The following ABLIM2 variants were observed in gnomAD, a reference collection of about 807,000 sequenced individuals.
The protein encoded by ABLIM2 is actin-binding LIM protein 2.
In ABLIM2, 53 loss-of-function variants were observed where a neutral mutation model predicts 97.7. The observed-to-expected ratio is 0.54, with a 90% CI of 0.44 to 0.68. ABLIM2 has a LOEUF of 0.68. Ranked by LOEUF, ABLIM2 falls within the 30% of genes least tolerant of loss-of-function variation. ABLIM2 has a pLI of 0.00. For missense variants in ABLIM2, 835 were observed against 867.2 expected, an observed-to-expected ratio of 0.96 and a Z score of 0.47; for synonymous variants, 361 against 345.8, an observed-to-expected ratio of 1.04 and a Z score of -0.49.
chr4:8,082,327 C>T lies in ABLIM2; in HGVS notation c.455-1525G>A, dbSNP rs1185322990. ...CCTGCGGGAGCCCCCATTTCCTCAT[C>T]GTGGGGTGGGGTGATCACCTCCTCA... On this transcript the variant is annotated intron_variant, in intron 4 of 20. Coordinates refer to ENST00000447017, the MANE Select transcript of ABLIM2 (RefSeq NM_001130083.2). This position sits in a 1 kb window ranked among gnomAD's most constrained non-coding sequence, Gnocchi z 5.6. Among the ~76,000 whole-genome samples, 2 of 152,210 alleles carry T rather than the reference C, an allele frequency of 1.3e-5. No individual in the cohort carries two copies. Among genetic ancestry groups the T allele is most frequent in the South Asian group, 2.1e-4 (1 of 4,832 alleles).
At position 8,015,293 on chromosome 4, in the gene ABLIM2, T is replaced by C. The variant is rs1012949942; in HGVS notation, c.1423+4325A>G. Among the ~76,000 whole-genome samples, 1 of 152,102 alleles carries C rather than the reference T, an allele frequency of 6.6e-6. No individual in the cohort carries two copies. The highest frequency in any genetic ancestry group is 1.5e-5 in the Non-Finnish European group (1 of 68,024). ...GAAGGAGAGGTTAGCGTGTCTTTTG[T>C]ATCACACAGACAGTTCCTTCAGAGC... On this transcript the variant is annotated intron_variant, in intron 14 of 20. Transcript: ENST00000447017. This position sits in a 1 kb window ranked among gnomAD's most constrained non-coding sequence, Gnocchi z 4.6.
intron 3 of ABLIM2, among the ~76,000 whole-genome samples, chr4:8,089,711 G>C (rs1826014374): frequency 7.7e-6 from 1 of 129,036 alleles, no homozygotes; most frequent in African/African-American, 3.0e-5. Flanking sequence ...TCCAGGCTGG[G>C]CCAAAGAGTG....
At chr4:7,976,968 T>C (rs923057708) in intron 20 of ABLIM2, among the ~76,000 whole-genome samples, 2 of 151,786 alleles carry the variant, frequency 1.3e-5, no homozygotes, top group African/African-American at 4.8e-5. Context: ...GTCACGTGTA[T>C]ACACACACAC....
chr4:8,000,705 C>G (rs780271170), intron 16 of ABLIM2, among the ~76,000 whole-genome samples: 1 of 152,106 alleles, frequency 6.6e-6, no homozygotes, highest in African/African-American at 2.4e-5. Flanking sequence ...AGGGAGCTGT[C>G]CCCGGAGGCT....
intron 14 of ABLIM2, among the ~76,000 whole-genome samples, chr4:8,011,054 C>T (rs1764626205): frequency 1.3e-5 from 2 of 152,244 alleles, no homozygotes; most frequent in African/African-American, 2.4e-5. Context: ...GAATAATCTG[C>T]ACGTGCATGG....
rs762444980 is a variant in ABLIM2, at chr4:7,998,617, A to G, written c.1619-5690T>C. ...CGGGGTGCCTGCTGGCCACCTGCCC[A>G]TCTGCTAGTGTGGCTGCAGGAGGAA... is the stretch of plus-strand genomic sequence containing the variant. On this transcript the variant is annotated intron_variant, in intron 16 of 20. Coordinates refer to ENST00000447017, the MANE Select transcript of ABLIM2 (RefSeq NM_001130083.2). This position sits in a 1 kb window ranked among gnomAD's most constrained non-coding sequence, Gnocchi z 6.4. 1.4e-5 allele frequency: 7 copies of G among 502,066 alleles called. No homozygotes were observed. Among genetic ancestry groups the G allele is most frequent in the African/African-American group, 1.2e-4 (6 of 51,578 alleles). 31.1% of individuals were successfully genotyped at this position (502,066 alleles called of 1,614,324 possible). A position where few individuals can be genotyped will look rare whatever the true frequency, so the allele number is the denominator to read the frequency against.
intron 6 of ABLIM2, among the ~76,000 whole-genome samples, chr4:8,074,022 G>A (rs1026722786): frequency 8.8e-5 from 13 of 147,544 alleles, no homozygotes; most frequent in African/African-American, 3.3e-4. Flanking sequence ...AGGAGGTGGA[G>A]GTTGCAGTGA....
intron 6 of ABLIM2, among the ~76,000 whole-genome samples, chr4:8,063,741 T>C (rs1421167393): frequency 1.3e-5 from 2 of 152,240 alleles, no homozygotes; most frequent in Admixed American, 1.3e-4. Context: ...GCTTGAATGT[T>C]TGTCCCTGTT....
In ABLIM2 at chr4:8,054,094, A is replaced by T; in HGVS notation, c.822+94T>A. ...CTGCAGCCCGTGGGACTGGACAATGAGCCTGTAGAATCTGGTCAGTGTCCT... is the reference window on the plus strand; with the variant it reads ...CTGCAGCCCGTGGGACTGGACAATGTGCCTGTAGAATCTGGTCAGTGTCCT... On this transcript the variant is annotated intron_variant, in intron 8 of 20. Coordinates refer to ENST00000447017, the MANE Select transcript of ABLIM2 (RefSeq NM_001130083.2). The surrounding 1 kb of genome is among the most constrained non-coding windows in gnomAD (Gnocchi z 4.9). 6.9e-7 allele frequency: 1 copy of T among 1,440,030 alleles called. No homozygotes were observed. Among genetic ancestry groups the T allele is most frequent in the Admixed American group, 1.7e-5 (1 of 58,658 alleles). The allele number at this position is 1,440,030 out of a possible 1,614,324, so 89.2% of individuals were successfully genotyped here. A position where few individuals can be genotyped will look rare whatever the true frequency, so the allele number is the denominator to read the frequency against.
At chr4:7,976,225 C>G (rs765816123) in intron 20 of ABLIM2, among the ~76,000 whole-genome samples, 8 of 152,202 alleles carry the variant, frequency 5.3e-5, no homozygotes, top group Non-Finnish European at 1.0e-4. Context: ...ACCCGCACAG[C>G]CTGCAGCGAC....
At chr4:8,146,177 A>G (rs1339753309) in intron 1 of ABLIM2, among the ~76,000 whole-genome samples, 1 of 152,220 alleles carries the variant, frequency 6.6e-6, no homozygotes, top group East Asian at 1.9e-4. Flanking sequence ...TTAATGCACA[A>G]TATTCCATCT....
Position 8,032,139 on chromosome 4 carries a change from G to A in ABLIM2, c.1048-2363C>T, listed in dbSNP as rs911667446. Reference sequence around the variant, plus strand: ...ACCTTTCTGCTGTGGCCACCCGTGCGGCCGCACAGACTGCAGTCTGATTGG... The same window carrying A: ...ACCTTTCTGCTGTGGCCACCCGTGCAGCCGCACAGACTGCAGTCTGATTGG... On this transcript the variant is annotated intron_variant, in intron 10 of 20. Coordinates refer to ENST00000447017, the MANE Select transcript of ABLIM2 (RefSeq NM_001130083.2). The surrounding 1 kb of genome is among the most constrained non-coding windows in gnomAD (Gnocchi z 4.3). 2.2e-4 allele frequency among the ~76,000 whole-genome samples: 34 copies of A among 151,886 alleles called. No individual in the cohort carries two copies. Among genetic ancestry groups the A allele is most frequent in the African/African-American group, 7.5e-4 (31 of 41,426 alleles).
intron 15 of ABLIM2, 81 bp downstream of exon 15, chr4:8,008,969 G>A: frequency 6.6e-7 from 1 of 1,507,386 alleles, no homozygotes. Flanking sequence ...AAGATTCGAA[G>A]TCTCAATCGG....
At chr4:8,025,486 C>T (rs954010890) in intron 12 of ABLIM2, among the ~76,000 whole-genome samples, 2 of 152,054 alleles carry the variant, frequency 1.3e-5, no homozygotes, top group Admixed American at 6.5e-5. Flanking sequence ...TGCTACAAGG[C>T]GTGGAAGGAA....
At position 8,128,509 on chromosome 4, in the gene ABLIM2, AT is replaced by A. The variant is rs1333097641; in HGVS notation, c.11-21873del. ...GAGTTTTAGATTTTATTTAATTTTA[AT>A]TCAACCAGGGGACCTGCTGGTTACC... On this transcript the variant is annotated intron_variant, in intron 1 of 20. Coordinates refer to ENST00000447017, the MANE Select transcript of ABLIM2 (RefSeq NM_001130083.2). The surrounding 1 kb of genome is among the most constrained non-coding windows in gnomAD (Gnocchi z 4.9). Among the ~76,000 whole-genome samples the A allele has an allele frequency of 6.6e-6, 1 of 152,186 alleles. No individual in the cohort carries two copies. The highest frequency in any genetic ancestry group is 1.5e-5 in the Non-Finnish European group (1 of 68,034).
intron 6 of ABLIM2, among the ~76,000 whole-genome samples, chr4:8,074,962 T>C (rs1815031930): frequency 1.3e-5 from 2 of 152,156 alleles, no homozygotes; most frequent in South Asian, 2.1e-4. Context: ...ATTTTTGTAG[T>C]TGTAGTAGAG....
chr4:7,980,188 G>A (rs1736869175), intron 20 of ABLIM2, among the ~76,000 whole-genome samples: 1 of 152,106 alleles, frequency 6.6e-6, no homozygotes, highest in Non-Finnish European at 1.5e-5. Flanking sequence ...TACAAACCTA[G>A]TTCAGGCCAT....
chr4:8,076,191 C>A (rs1400295457), intron 6 of ABLIM2, among the ~76,000 whole-genome samples: 1 of 152,226 alleles, frequency 6.6e-6, no homozygotes, highest in Non-Finnish European at 1.5e-5. Context: ...GTGTGGCCAC[C>A]CGTCTCCCCG....
At chr4:8,088,408 G>A (rs1825243099) in intron 3 of ABLIM2, 124 bp from the exon 4 acceptor site, 1 of 725,804 alleles carries the variant, frequency 1.4e-6, no homozygotes, top group Non-Finnish European at 2.3e-6. Context: ...ACCACTCACA[G>A]GCTGAGGAAA....
Sources: gnomAD v4.1 joint callset for allele counts (sites outside exome capture counted in the v4.1 genomes callset) on GRCh38, gnomAD v4.1.1 for gene constraint, Gnocchi (gnomAD v3.1) non-coding constraint, MANE v1.5 for transcripts, NCBI Gene and HGNC (gene_info 2026-07-23, HGNC 2026-07-21) for gene names.